The following PGRMC2 variants were observed in gnomAD, a reference collection of about 807,000 sequenced individuals.
PGRMC2 encodes the protein progesterone receptor membrane component 2, also known as membrane-associated progesterone receptor component 2.
In PGRMC2, 9 loss-of-function variants were observed where a neutral mutation model predicts 19.3. That is an observed-to-expected ratio of 0.47 (90% confidence interval 0.28 to 0.81). The LOEUF is 0.81. Among genes scored for constraint, PGRMC2 ranks in the 40% least tolerant of loss-of-function variants. The probability of loss-of-function intolerance (pLI) is 0.11; values close to 1 mark genes in which losing one functional copy is unlikely to be tolerated. For missense variants in PGRMC2, 289 were observed against 297.3 expected, an observed-to-expected ratio of 0.97 and a Z score of 0.21; for synonymous variants, 157 against 124.6, an observed-to-expected ratio of 1.26 and a Z score of -1.73.
rs1045817907 is a variant in PGRMC2, at chr4:128,270,335, T to C, written c.*981A>G. On this transcript the variant is annotated 3_prime_UTR_variant, in exon 3 of 3. Coordinates refer to ENST00000296425, the MANE Select transcript of PGRMC2 (RefSeq NM_006320.6). The stretch of plus-strand genomic sequence containing the variant: ...CAGCTGTTGGGGATAAGAGTTGATT[T>C]GTTTTTCAATTTTTTTGAAAACAGA... 6.6e-6 allele frequency: 1 copy of C among 152,614 alleles called. No individual in the cohort carries two copies. The highest frequency in any genetic ancestry group is 6.6e-5 in the Admixed American group (1 of 15,260). 9.5% of individuals were successfully genotyped at this position (152,614 alleles called of 1,614,324 possible).
intron 1 of PGRMC2, among the ~76,000 whole-genome samples, chr4:128,286,122 T>C (rs1221002512): frequency 8.2e-6 from 1 of 122,434 alleles, no homozygotes; most frequent in Non-Finnish European, 1.8e-5. Flanking sequence ...CTTATACACC[T>C]ACAGATTAAA....
chr4:128,281,487 T>G (rs1760909889), intron 1 of PGRMC2, among the ~76,000 whole-genome samples: 1 of 149,498 alleles, frequency 6.7e-6, no homozygotes. Flanking sequence ...GGAGAGAAAA[T>G]GGAAGAAATA....
chr4:128,283,736 C>A (rs1760943170), intron 1 of PGRMC2, among the ~76,000 whole-genome samples: 1 of 151,340 alleles, frequency 6.6e-6, no homozygotes, highest in Non-Finnish European at 1.5e-5. Flanking sequence ...CAGCTCACTG[C>A]AACCTCCACC....
chr4:128,281,446 G>A (rs1352185147), intron 1 of PGRMC2, among the ~76,000 whole-genome samples: 1 of 152,002 alleles, frequency 6.6e-6, no homozygotes, highest in African/African-American at 2.4e-5. Context: ...TCACTAAAAG[G>A]ATAGAAATAG....
At chr4:128,284,696 T>C (rs1760958610) in intron 1 of PGRMC2, among the ~76,000 whole-genome samples, 1 of 152,236 alleles carries the variant, frequency 6.6e-6, no homozygotes, top group Non-Finnish European at 1.5e-5. Flanking sequence ...TTAGGGTAGA[T>C]ATTGGCTAGG....
chr4:128,275,570 G>C (rs1027081120), intron 1 of PGRMC2, among the ~76,000 whole-genome samples: 1 of 152,108 alleles, frequency 6.6e-6, no homozygotes, highest in African/African-American at 2.4e-5. Flanking sequence ...GAATAGAAAA[G>C]AATAATTCAG....
At chr4:128,284,279 A>AC (rs1246036159) in intron 1 of PGRMC2, among the ~76,000 whole-genome samples, 2 of 152,324 alleles carry the variant, frequency 1.3e-5, no homozygotes, top group African/African-American at 2.4e-5. Flanking sequence ...TATTAGACAT[A>AC]CATGTAATCC....
At chr4:128,287,340 G>C in intron 1 of PGRMC2, 33 bp downstream of exon 1, 1 of 1,568,840 alleles carries the variant, frequency 6.4e-7, no homozygotes, top group Non-Finnish European at 8.7e-7. Flanking sequence ...TTCAGCTGCA[G>C]GGGGTCCTTC....
chr4:128,284,250 G>C (rs761415454), intron 1 of PGRMC2, among the ~76,000 whole-genome samples: 4 of 152,120 alleles, frequency 2.6e-5, no homozygotes, highest in Non-Finnish European at 4.4e-5. Context: ...TAAGCTGTGT[G>C]GTAATATCCA....
intron 1 of PGRMC2, among the ~76,000 whole-genome samples, chr4:128,281,881 G>T (rs1166911414): frequency 6.6e-6 from 1 of 152,134 alleles, no homozygotes; most frequent in Non-Finnish European, 1.5e-5. Context: ...TCTCACTTCA[G>T]AACATTCTCA....
chr4:128,282,643 T>C (rs1156540511), intron 1 of PGRMC2, among the ~76,000 whole-genome samples: 2 of 152,248 alleles, frequency 1.3e-5, no homozygotes, highest in Non-Finnish European at 2.9e-5. Context: ...TAGATGCATA[T>C]GGGCATTAGC....
Position 128,287,691 on chromosome 4 carries a change from C to T in PGRMC2, c.100G>A (p.Ala34Thr), listed in dbSNP as rs1445387684. ...GSESPGDAGA[A>T]AEGGGWAAAA... Reference sequence around the variant, plus strand: ...GCCGCCCAGCCTCCCCCTTCCGCTGCCGCTCCCGCGTCGCCTGGACTCTCG... The same window carrying T: ...GCCGCCCAGCCTCCCCCTTCCGCTGTCGCTCCCGCGTCGCCTGGACTCTCG... The change falls in exon 1 of 3, where the codon GCA becomes ACA. Residue 34 changes from alanine (A) to threonine (T), a missense_variant. Ala to Thr is a moderately conservative substitution (Grantham distance 58). Transcript: ENST00000296425. 6.5e-7 allele frequency: 1 copy of T among 1,526,938 alleles called. No individual in the cohort carries two copies. Among genetic ancestry groups the T allele is most frequent in the Non-Finnish European group, 8.8e-7 (1 of 1,137,216 alleles). 94.6% of individuals were successfully genotyped at this position (1,526,938 alleles called of 1,614,324 possible).
chr4:128,287,030 G>C (rs1215984944), intron 1 of PGRMC2, among the ~76,000 whole-genome samples: 1 of 151,922 alleles, frequency 6.6e-6, no homozygotes, highest in African/African-American at 2.4e-5. Flanking sequence ...GGCCAGCGTT[G>C]ACCTGTGACA....
intron 1 of PGRMC2, among the ~76,000 whole-genome samples, chr4:128,283,912 T>C (rs2110564455): frequency 6.6e-6 from 1 of 152,294 alleles, no homozygotes; most frequent in Admixed American, 6.5e-5. Flanking sequence ...CTGCCCGCCT[T>C]GGTCTCTCAA....
chr4:128,275,157 T>G (rs1230302258), intron 1 of PGRMC2, among the ~76,000 whole-genome samples: 1 of 152,140 alleles, frequency 6.6e-6, no homozygotes, highest in African/African-American at 2.4e-5. Flanking sequence ...GGAAGAGAAT[T>G]AACAAAAAAG....
chr4:128,279,831 C>G (rs1011995487), intron 1 of PGRMC2, among the ~76,000 whole-genome samples: 3 of 152,090 alleles, frequency 2.0e-5, no homozygotes, highest in African/African-American at 7.2e-5. Context: ...CCCAAAATAG[C>G]TCTAGAACAA....
chr4:128,275,535 G>T (rs1395435079), intron 1 of PGRMC2, among the ~76,000 whole-genome samples: 2 of 152,124 alleles, frequency 1.3e-5, no homozygotes, highest in African/African-American at 4.8e-5. Flanking sequence ...CCAAATTCCA[G>T]ACAAATGATG....
chr4:128,273,600 A>C (rs745536579), intron 1 of PGRMC2, among the ~76,000 whole-genome samples: 1 of 152,220 alleles, frequency 6.6e-6, no homozygotes, highest in Non-Finnish European at 1.5e-5. Context: ...ATAAAAGAAC[A>C]AAGTATGTTC....
At chr4:128,287,304 G>A (rs747841230) in intron 1 of PGRMC2, 69 bp downstream of exon 1, 2 of 1,514,018 alleles carry the variant, frequency 1.3e-6, no homozygotes, top group South Asian at 1.3e-5. Flanking sequence ...GTGCCCAGAG[G>A]CCTCCCTGTC....
Sources: allele counts gnomAD v4.1 joint callset (sites outside exome capture counted in the v4.1 genomes callset), GRCh38; gene constraint gnomAD v4.1.1; transcripts MANE v1.5; gene names NCBI Gene and HGNC (gene_info 2026-07-23, HGNC 2026-07-21).